The following INPP5B variants were observed in gnomAD, a reference collection of about 807,000 sequenced individuals.
The protein encoded by INPP5B is inositol polyphosphate-5-phosphatase B, also known as type II inositol 1,4,5-trisphosphate 5-phosphatase.
INPP5B carries 90 observed loss-of-function variants against 118.5 expected under a neutral mutation model. That is an observed-to-expected ratio of 0.76 (90% CI 0.64 to 0.90). The LOEUF (loss-of-function observed/expected upper bound fraction) is 0.90, where lower values mean the gene tolerates loss of function less well. Among genes scored for constraint, INPP5B ranks in the 40% least tolerant of loss-of-function variants. The probability of loss-of-function intolerance (pLI) is 0.00; values close to 1 mark genes in which losing one functional copy is unlikely to be tolerated. For missense variants in INPP5B, 984 were observed against 1,125.6 expected (o/e 0.87, Z 1.80); for synonymous variants, 385 against 418.9 (o/e 0.92, Z 0.99).
chr1:37,880,183 C>T lies in INPP5B; in HGVS notation c.1443G>A (p.Gln481=). The change falls in exon 15 of 24, where the codon CAG becomes CAA. Residue 481 remains glutamine, a synonymous_variant. Coordinates refer to ENST00000373024, the MANE Select transcript of INPP5B (RefSeq NM_005540.3). The part of the protein sequence containing the change: ...MLYAYDQLKI[Q]VAAKTVFEGF... ...CTTCAAAGACAGTCTTTGCGGCCACCTGAATTTTCAGCTATACAAAAGGAT... is the reference window on the plus strand; with the variant it reads ...CTTCAAAGACAGTCTTTGCGGCCACTTGAATTTTCAGCTATACAAAAGGAT... 1.2e-6 allele frequency: 2 copies of T among 1,603,038 alleles called. No homozygotes were observed. The highest frequency in any genetic ancestry group is 1.7e-6 in the Non-Finnish European group (2 of 1,172,146).
intron 17 of INPP5B, among the ~76,000 whole-genome samples, chr1:37,875,191 A>T (rs143843394): frequency 2.0e-4 from 30 of 152,346 alleles, no homozygotes; most frequent in Middle Eastern, 3.4e-3. Flanking sequence ...ACCACAGTCC[A>T]TAGTGCTATA....
intron 14 of INPP5B, among the ~76,000 whole-genome samples, chr1:37,880,423 T>TTTTATTTATTTATTTATTTATTTA (rs71278742): frequency 9.4e-5 from 14 of 149,732 alleles, no homozygotes; most frequent in South Asian, 2.1e-4. Flanking sequence ...GTTTTTAATG[T>TTTTATTTATTTATTTATTTATTTA]TTTATTTATT....
At chr1:37,923,077 A>T (rs1645110927) in intron 7 of INPP5B, among the ~76,000 whole-genome samples, 1 of 152,186 alleles carries the variant, frequency 6.6e-6, no homozygotes, top group South Asian at 2.1e-4. Context: ...TCAAAGAGGA[A>T]GGGGGCAGGA....
At chr1:37,924,568 T>A (rs1279339566) in intron 7 of INPP5B, among the ~76,000 whole-genome samples, 2 of 152,108 alleles carry the variant, frequency 1.3e-5, no homozygotes, top group East Asian at 3.9e-4. Context: ...AAACATTCAC[T>A]CCCATTTTAA....
At chr1:37,917,339 T>TATATATATATATATATATATATATATATA (rs1557694463) in intron 7 of INPP5B, among the ~76,000 whole-genome samples, 4 of 120,692 alleles carry the variant, frequency 3.3e-5, no homozygotes, top group Non-Finnish European at 7.0e-5. Flanking sequence ...TATATATATA[T>TATATATATATATATATATATATATATATA]TTGAGAAAGG....
chr1:37,882,396 G>A (rs1383628078), intron 14 of INPP5B, among the ~76,000 whole-genome samples: 1 of 152,302 alleles, frequency 6.6e-6, no homozygotes, highest in South Asian at 2.1e-4. Context: ...CACTTGGGAA[G>A]AGCTGTCACT....
rs764265437 is a variant in INPP5B, at chr1:37,943,818, C to T, written c.228G>A (p.Ser76=). The T allele has an allele frequency of 2.5e-6, 4 of 1,614,034 alleles. No individual in the cohort carries two copies. In the South Asian group the frequency reaches 3.3e-5, roughly 13 times the overall value. ...CACCTTCTTCCAGCGTAAAATCCCG[C>T]GAGACTGGCACTATCTGGTCCAGAG... is the stretch of plus-strand genomic sequence containing the variant. ...DVSLDQIVPV[S]RDFTLEEVSP... is the part of the protein sequence containing the mutation. The change falls in exon 4 of 24, where the codon TCG becomes TCA. Residue 76 remains serine (S), a synonymous_variant. Transcript: ENST00000373024.
chr1:37,865,668 T>G, intron 22 of INPP5B, 93 bp downstream of exon 22: 5 of 1,403,178 alleles, frequency 3.6e-6, no homozygotes, highest in Non-Finnish European at 5.0e-6. Context: ...GTTCAGTTTC[T>G]GAGATGCTGC....
At chr1:37,887,697 G>A (rs1029301601) in intron 10 of INPP5B, among the ~76,000 whole-genome samples, 1 of 152,100 alleles carries the variant, frequency 6.6e-6, no homozygotes, top group African/African-American at 2.4e-5. Flanking sequence ...AGTTCGAAGT[G>A]TCCCTATTTT....
chr1:37,933,819 T>G (rs1312707845), intron 6 of INPP5B, among the ~76,000 whole-genome samples: 1 of 151,312 alleles, frequency 6.6e-6, no homozygotes, highest in African/African-American at 2.4e-5. Flanking sequence ...ACCTGGGATC[T>G]GCACTGAAAT....
chr1:37,906,587 G>T (rs189993784), intron 7 of INPP5B, among the ~76,000 whole-genome samples: 1 of 152,120 alleles, frequency 6.6e-6, no homozygotes, highest in Non-Finnish European at 1.5e-5. Flanking sequence ...TGGGCATGGT[G>T]GCTCACACCT....
At chr1:37,883,886 G>T in intron 13 of INPP5B, 1 of 972,546 alleles carries the variant, frequency 1.0e-6, no homozygotes, top group Non-Finnish European at 1.2e-6. Flanking sequence ...AAGAAGTGGC[G>T]TATGTTATCA....
chr1:37,923,070 A>G (rs1391140042), intron 7 of INPP5B, among the ~76,000 whole-genome samples: 1 of 152,204 alleles, frequency 6.6e-6, no homozygotes, highest in African/African-American at 2.4e-5. Context: ...AGCATGCTCA[A>G]AGAGGAAGGG....
At chr1:37,934,450 G>A (rs1477114949) in intron 6 of INPP5B, among the ~76,000 whole-genome samples, 2 of 152,128 alleles carry the variant, frequency 1.3e-5, no homozygotes, top group Non-Finnish European at 2.9e-5. Context: ...GTTAGCTGAT[G>A]TTTCTCTAAT....
intron 7 of INPP5B, among the ~76,000 whole-genome samples, chr1:37,911,504 G>A (rs923262609): frequency 2.6e-5 from 4 of 151,920 alleles, no homozygotes; most frequent in East Asian, 1.9e-4. Context: ...AGGCCTAATC[G>A]CCACTCACCA....
At chr1:37,935,989 C>T (rs1398328479) in intron 6 of INPP5B, among the ~76,000 whole-genome samples, 1 of 152,040 alleles carries the variant, frequency 6.6e-6, no homozygotes, top group Non-Finnish European at 1.5e-5. Flanking sequence ...TGGCATGAAC[C>T]TGCGAGGTGG....
At chr1:37,925,963 G>T (rs1215047459) in intron 7 of INPP5B, among the ~76,000 whole-genome samples, 1 of 152,140 alleles carries the variant, frequency 6.6e-6, no homozygotes, top group Non-Finnish European at 1.5e-5. Context: ...TGGAAATGAT[G>T]GGCAATATTT....
At position 37,925,354 on chromosome 1, in the gene INPP5B, G is replaced by A. The variant is rs16824509; in HGVS notation, c.532+6559C>T. Among the ~76,000 whole-genome samples the A allele has an allele frequency of 9.9e-3, 1,506 of 152,148 alleles. 21 individuals carry two copies. Among genetic ancestry groups the A allele is most frequent in the African/African-American group, 0.033 (1,367 of 41,532 alleles). The stretch of plus-strand genomic sequence containing the variant: ...AGTCTCTTCTCATTCATATTTGCTA[G>A]CTTCAGTTCATGTATGGATCACCAA... On this transcript the variant is annotated intron_variant, in intron 7 of 23. Transcript: ENST00000373024.
At chr1:37,945,666 G>T in intron 3 of INPP5B, 90 bp downstream of exon 3, 1 of 855,310 alleles carries the variant, frequency 1.2e-6, no homozygotes, top group Non-Finnish European at 1.9e-6. Flanking sequence ...CTCAGACCCT[G>T]CCCTGGAGGG....
Sources: gnomAD v4.1 joint callset for allele counts (sites outside exome capture counted in the v4.1 genomes callset) on GRCh38, gnomAD v4.1.1 for gene constraint, MANE v1.5 for transcripts, NCBI Gene and HGNC (gene_info 2026-07-23, HGNC 2026-07-21) for gene names.